The following BLTP2 variants were observed in gnomAD, a reference collection of about 807,000 sequenced individuals.
BLTP2 encodes U937-associated antigen.
At chr17:28,637,135 G>C in the BLTP2 span, 1 of 1,614,104 alleles carries the variant, frequency 6.2e-7, no homozygotes, top group Non-Finnish European at 8.5e-7. Context: ...GCACTGCCCA[G>C]GATAGTTAGG....
chr17:28,624,375 T>C, the BLTP2 span: 1 of 1,613,278 alleles, frequency 6.2e-7, no homozygotes, highest in Admixed American at 1.7e-5. Flanking sequence ...AATTAGCTTC[T>C]GCAACATGTA....
chr17:28,643,029 G>A, the BLTP2 span: 12 of 1,514,184 alleles, frequency 7.9e-6, no homozygotes, highest in East Asian at 2.5e-4. Context: ...TAATGTTAAG[G>A]AACTGCCCTT....
At chr17:28,627,801 C>T in the BLTP2 span, among the ~76,000 whole-genome samples, 1 of 152,024 alleles carries the variant, frequency 6.6e-6, no homozygotes, top group South Asian at 2.1e-4. Context: ...ATTACAGGTA[C>T]TTGCCACCAT....
the BLTP2 span, chr17:28,640,101 T>C: frequency 1.9e-6 from 3 of 1,548,510 alleles, no homozygotes; most frequent in Non-Finnish European, 2.6e-6. Flanking sequence ...TTTTTAAAAG[T>C]AATTATTTTT....
chr17:28,617,314 T>C, the BLTP2 span: 2 of 1,613,562 alleles, frequency 1.2e-6, no homozygotes, highest in Non-Finnish European at 1.7e-6. Context: ...ATCAGACTTA[T>C]TCACCTATAA....
chr17:28,635,173 G>C, the BLTP2 span: 1 of 1,613,994 alleles, frequency 6.2e-7, no homozygotes, highest in Non-Finnish European at 8.5e-7. Context: ...CGCAGGGAAG[G>C]GGTTCCGGTG....
At chr17:28,628,145 A>C in the BLTP2 span, 2 of 864,424 alleles carry the variant, frequency 2.3e-6, no homozygotes, top group Admixed American at 5.3e-5. Flanking sequence ...AAGGAAAAAT[A>C]ATAGTTTCAC....
chr17:28,614,903 C>T, the BLTP2 span: 1 of 686,510 alleles, frequency 1.5e-6, no homozygotes, highest in Non-Finnish European at 2.5e-6. Flanking sequence ...CATTACTGTC[C>T]ACCATGCCCT....
At chr17:28,640,541 G>A in the BLTP2 span, 1 of 1,613,222 alleles carries the variant, frequency 6.2e-7, no homozygotes, top group African/African-American at 1.3e-5. Context: ...CCCATCTTCT[G>A]TGTCAGGAGA....
At chr17:28,635,216 G>T in the BLTP2 span, 1 of 1,613,954 alleles carries the variant, frequency 6.2e-7, no homozygotes, top group African/African-American at 1.3e-5. Flanking sequence ...GGTAGCAGCT[G>T]CACCTCCACC....
chr17:28,633,794 C>G, the BLTP2 span: 32 of 1,600,680 alleles, frequency 2.0e-5, no homozygotes, highest in Admixed American at 3.4e-4. Flanking sequence ...CACAACATTA[C>G]CCCTCTCTTC....
the BLTP2 span, chr17:28,616,359 A>T: frequency 1.9e-6 from 3 of 1,613,908 alleles, no homozygotes; most frequent in Admixed American, 1.7e-5. The surrounding 1 kb of genome is among the most constrained non-coding windows in gnomAD (Gnocchi z 4.8). Context: ...TTTTTCTATC[A>T]TCAGGGGCAT....
chr17:28,625,334 C>CAAA, the BLTP2 span, among the ~76,000 whole-genome samples: 294 of 29,008 alleles, frequency 0.01, 14 homozygotes, highest in East Asian at 0.015. Flanking sequence ...GACTCCGTCT[C>CAAA]AAAAAAAAAA....
At chr17:28,632,054 G>C in the BLTP2 span, 1 of 1,612,246 alleles carries the variant, frequency 6.2e-7, no homozygotes, top group South Asian at 1.1e-5. Context: ...CTTACCTGCA[G>C]CTGGGGAAAG....
chr17:28,623,885 G>C, the BLTP2 span: 1 of 1,614,056 alleles, frequency 6.2e-7, no homozygotes, highest in Non-Finnish European at 8.5e-7. Context: ...TACCAGGCTG[G>C]ATGGTGCTGG....
chr17:28,624,087 G>C, the BLTP2 span: 22 of 1,350,240 alleles, frequency 1.6e-5, no homozygotes, highest in Non-Finnish European at 2.3e-5. Context: ...CTGGCTTTTA[G>C]ACATAGAAGT....
chr17:28,640,802 A>C, the BLTP2 span: 1 of 903,606 alleles, frequency 1.1e-6, no homozygotes, highest in South Asian at 1.6e-5. Flanking sequence ...CAAATGCCTA[A>C]GCTGGATGGA....
At chr17:28,617,504 A>T in the BLTP2 span, 1 of 517,842 alleles carries the variant, frequency 1.9e-6, no homozygotes, top group Non-Finnish European at 3.4e-6. Flanking sequence ...ATTGTCCAGG[A>T]CACTAAATGC....
the BLTP2 span, chr17:28,616,760 A>T: frequency 6.2e-7 from 1 of 1,614,024 alleles, no homozygotes; most frequent in Admixed American, 1.7e-5. The surrounding 1 kb of genome is among the most constrained non-coding windows in gnomAD (Gnocchi z 4.8). Context: ...TTACCTAAAA[A>T]GGAAAAAGAT....
Sources: gnomAD v4.1 joint callset for allele counts (sites outside exome capture counted in the v4.1 genomes callset) on GRCh38, gnomAD v4.1.1 for gene constraint, Gnocchi (gnomAD v3.1) non-coding constraint, MANE v1.5 for transcripts, NCBI Gene and HGNC (gene_info 2026-07-23, HGNC 2026-07-21) for gene names.